Variants in SNTA1 observed in about 807,000 individuals in gnomAD.
SNTA1 encodes syntrophin alpha 1.
SNTA1 carries 31 observed loss-of-function variants against 47.1 expected under a neutral mutation model. The ratio of observed to expected loss-of-function variants is 0.66; its 90% CI spans 0.49 to 0.89. The LOEUF (loss-of-function observed/expected upper bound fraction) is 0.89, where lower values mean the gene tolerates loss of function less well. Among genes scored for constraint, SNTA1 ranks in the 40% least tolerant of loss-of-function variants. The pLI, the probability that SNTA1 is intolerant of heterozygous loss-of-function variation, is 0.00. For missense variants in SNTA1, 575 were observed against 693.0 expected (o/e 0.83, Z 1.91); for synonymous variants, 300 against 313.6 (o/e 0.96, Z 0.46).
At chr20:33,417,261 G>A (rs1989899601) in intron 3 of SNTA1, among the ~76,000 whole-genome samples, 1 of 152,156 alleles carries the variant, frequency 6.6e-6, no homozygotes, top group Non-Finnish European at 1.5e-5. Flanking sequence ...ATGTTAGGTG[G>A]TTTCAGTATT....
chr20:33,416,712 G>A (rs574765121), intron 3 of SNTA1, among the ~76,000 whole-genome samples: 16 of 152,018 alleles, frequency 1.1e-4, no homozygotes, highest in Admixed American at 5.9e-4. Flanking sequence ...AGGCTGAGGC[G>A]GGGGAATCAC....
intron 1 of SNTA1, among the ~76,000 whole-genome samples, chr20:33,442,896 C>T (rs911647395): frequency 3.3e-5 from 5 of 152,106 alleles, no homozygotes; most frequent in African/African-American, 1.2e-4. Context: ...CAGGCTTCCC[C>T]TCTGCACCCA....
rs1197907180 is a variant in SNTA1 at position 33,443,698 on chromosome 20, C to T, written c.-78G>A. The T allele has an allele frequency of 8.3e-6, 8 of 959,126 alleles. No homozygotes were observed. The highest frequency in any genetic ancestry group is 4.9e-5 in the South Asian group (1 of 20,580). The allele number at this position is 959,126 out of a possible 1,614,324, so 59.4% of individuals were successfully genotyped here. On this transcript the variant is annotated 5_prime_UTR_variant, in exon 1 of 8. Coordinates refer to ENST00000217381, the MANE Select transcript of SNTA1 (RefSeq NM_003098.3). The stretch of plus-strand genomic sequence containing the variant: ...GCCCGCTCCGACCAAGCGCCCAGGG[C>T]AGAGGGCAGCGGGGGCCCGGCTGGG...
At chr20:33,431,042 G>GAGTCCAGGAGTTTGAGACC (rs1990295630) in intron 2 of SNTA1, among the ~76,000 whole-genome samples, 1 of 151,926 alleles carries the variant, frequency 6.6e-6, no homozygotes. Context: ...AGAATCACTT[G>GAGTCCAGGAGTTTGAGACC]AGTCCAGGAG....
rs370660223 is a variant in SNTA1 at position 33,408,651 on chromosome 20, A to G, written c.1425+50T>C. ...AGGGCCCTGGCCAGCCTGGCCTCCG[A>G]GAGTGCACACCCCCTCCTCCCCAGG... On this transcript the variant is annotated intron_variant, in intron 7 of 7. Transcript: ENST00000217381. 193 of 1,610,800 alleles carry G rather than the reference A, an allele frequency of 1.2e-4. 1 individual carries two copies. The highest frequency in any genetic ancestry group is 1.6e-4 in the Non-Finnish European group (184 of 1,177,088).
intron 3 of SNTA1, among the ~76,000 whole-genome samples, chr20:33,413,977 G>A (rs949366595): frequency 2.6e-5 from 4 of 151,850 alleles, no homozygotes; most frequent in Middle Eastern, 3.4e-3. Context: ...GATGGCTCAC[G>A]CCTGTAATCC....
intron 1 of SNTA1, 27 bp from the exon 2 acceptor site, chr20:33,439,053 A>T (rs1172499904): frequency 1.2e-6 from 2 of 1,601,476 alleles, no homozygotes; most frequent in East Asian, 2.2e-5. Context: ...GGAGGACAAG[A>T]CTTAGGCAGA....
At position 33,409,977 on chromosome 20, in the gene SNTA1, A is replaced by G. The variant is rs142832155; in HGVS notation, c.1237+158T>C. Among the ~76,000 whole-genome samples, 2,489 of 152,122 alleles carry G rather than the reference A, an allele frequency of 0.016. 64 individuals carry two copies. Among genetic ancestry groups the G allele is most frequent in the African/African-American group, 0.056 (2,314 of 41,508 alleles). On this transcript the variant is annotated intron_variant, in intron 6 of 7. Coordinates refer to ENST00000217381, the MANE Select transcript of SNTA1 (RefSeq NM_003098.3). ...GACAGGGTTTTGCCATGTTTGCCAG[A>G]CTGGTCTCAAACTTCTGACCTCAGG...
At chr20:33,417,673 C>G (rs771069514) in intron 3 of SNTA1, 46 bp downstream of exon 3, 1 of 1,407,246 alleles carries the variant, frequency 7.1e-7, no homozygotes, top group African/African-American at 1.4e-5. Flanking sequence ...CACCACCTGA[C>G]GCCAGGGCAT....
rs572483911 is a variant in SNTA1, at chr20:33,436,392, T to C, written c.496+2449A>G. On this transcript the variant is annotated intron_variant, in intron 2 of 7. Transcript: ENST00000217381. ...AGTGGTTTCAAACCGCATTGCTGAC[T>C]ATAAATATCAAAGTAATGAGGCATG... Among the ~76,000 whole-genome samples, 6 of 152,296 alleles carry C rather than the reference T, an allele frequency of 3.9e-5. No homozygotes were observed. In the East Asian group the frequency reaches 1.2e-3, roughly 29 times the overall value.
chr20:33,416,202 C>T (rs991503272), intron 3 of SNTA1, among the ~76,000 whole-genome samples: 1 of 152,208 alleles, frequency 6.6e-6, no homozygotes, highest in Non-Finnish European at 1.5e-5. Context: ...GGTGTGGCAT[C>T]GAGTGAGACC....
At chr20:33,413,433 C>T (rs752655287) in intron 3 of SNTA1, among the ~76,000 whole-genome samples, 13 of 152,064 alleles carry the variant, frequency 8.5e-5, no homozygotes, top group Admixed American at 3.3e-4. Context: ...CCAGCCTACA[C>T]GTATGCAGAT....
At position 33,412,434 on chromosome 20, in the gene SNTA1, G is replaced by A. The variant is rs2146762242; in HGVS notation, c.910-8C>T. The A allele has an allele frequency of 6.2e-7, 1 of 1,610,720 alleles. No individual in the cohort carries two copies. The highest frequency in any genetic ancestry group is 1.1e-5 in the South Asian group (1 of 90,596). ...TGTGCCCCCACTGGGCAGCTGCAGA[G>A]AACAAAACAGCAGTGAGGATGGGTG... On this transcript the variant is annotated splice_polypyrimidine_tract_variant and splice_region_variant and intron_variant, in intron 4 of 7. Transcript: ENST00000217381.
At position 33,412,840 on chromosome 20, in the gene SNTA1, C is replaced by G. The variant is rs534451890; in HGVS notation, c.702-58G>C. 3.2e-4 allele frequency: 412 copies of G among 1,279,082 alleles called. 2 individuals are homozygous for G. The South Asian group carries it at 5.0e-3, about 16-fold the overall frequency. 79.2% of individuals were successfully genotyped at this position (1,279,082 alleles called of 1,614,324 possible). ...GACCATTAGGCTGCAGCTGCCCAAC[C>G]CTGGCCCAAGAAACCCCACCCACCA... On this transcript the variant is annotated intron_variant, in intron 3 of 7. Transcript: ENST00000217381.
chr20:33,411,194 G>A (rs1475357113), intron 5 of SNTA1, among the ~76,000 whole-genome samples: 2 of 151,634 alleles, frequency 1.3e-5, no homozygotes, highest in South Asian at 2.1e-4. Context: ...GCTGACACCC[G>A]CCTTCGACTT....
chr20:33,413,729 A>T (rs1600840828), intron 3 of SNTA1, among the ~76,000 whole-genome samples: 2 of 151,484 alleles, frequency 1.3e-5, no homozygotes, highest in South Asian at 4.2e-4. Flanking sequence ...GGAGTTCGAG[A>T]CCAGCCTGGA....
Position 33,417,800 on chromosome 20 carries a change from C to CG in SNTA1, c.619dup (p.Arg207ProfsTer24). On this transcript the variant is annotated frameshift_variant, in exon 3 of 8. Transcript: ENST00000217381. LOFTEE classifies it high-confidence loss of function. ...CATGTGTTTGGCCTCGCTGAAGTTC[C>CG]GGGGTGTGGGGCCAGGGGAGGAAGG... The CG allele has an allele frequency of 1.9e-6, 3 of 1,614,024 alleles. No homozygotes were observed. In the South Asian group the frequency reaches 3.3e-5, roughly 18 times the overall value.
chr20:33,427,825 A>C (rs1313977393), intron 2 of SNTA1, among the ~76,000 whole-genome samples: 1 of 152,114 alleles, frequency 6.6e-6, no homozygotes, highest in Non-Finnish European at 1.5e-5. Flanking sequence ...AGTCTTGTTC[A>C]TAGCTATATC....
chr20:33,438,766 G>C lies in SNTA1; in HGVS notation c.496+75C>G, dbSNP rs1188950733. On this transcript the variant is annotated intron_variant, in intron 2 of 7. Transcript: ENST00000217381. ...CCCCAGTGCTGGGATGGGGCCTTCT[G>C]AGGCCTGGGGGAGGTAGAGAAGCAG... 3.1e-6 allele frequency: 4 copies of C among 1,287,350 alleles called. No homozygotes were observed. In the African/African-American group the frequency reaches 4.4e-5, roughly 14 times the overall value. The allele number at this position is 1,287,350 out of a possible 1,614,324, so 79.7% of individuals were successfully genotyped here.
Sources: allele counts gnomAD v4.1 joint callset (sites outside exome capture counted in the v4.1 genomes callset), GRCh38; gene constraint gnomAD v4.1.1; transcripts MANE v1.5; gene names NCBI Gene and HGNC (gene_info 2026-07-23, HGNC 2026-07-21).